Variants in BCAS1 observed in about 807,000 individuals in gnomAD.
BCAS1 encodes the protein brain enriched myelin associated protein 1.
In BCAS1, 46 loss-of-function variants were observed where a neutral mutation model predicts 65.4. The ratio of observed to expected loss-of-function variants is 0.70; its 90% confidence interval spans 0.55 to 0.90. The LOEUF is 0.90. Ranked by LOEUF, BCAS1 falls within the 40% of genes least tolerant of loss-of-function variation. The pLI, the probability that BCAS1 is intolerant of heterozygous loss-of-function variation, is 0.00. For missense variants in BCAS1, 793 were observed against 771.2 expected, an observed-to-expected ratio of 1.03 and a Z score of -0.33; for synonymous variants, 298 against 293.5, an observed-to-expected ratio of 1.02 and a Z score of -0.16.
At chr20:54,068,866 A>G (rs2092478272) in intron 1 of BCAS1, among the ~76,000 whole-genome samples, 1 of 152,100 alleles carries the variant, frequency 6.6e-6, no homozygotes, top group African/African-American at 2.4e-5. Context: ...CAAGGTGCAA[A>G]GGTACCCCCG....
chr20:54,064,395 G>A (rs902520246), intron 1 of BCAS1, among the ~76,000 whole-genome samples: 7 of 152,192 alleles, frequency 4.6e-5, no homozygotes, highest in African/African-American at 1.4e-4. Context: ...CGGAGGAATA[G>A]CTCAGGCTTC....
intron 3 of BCAS1, among the ~76,000 whole-genome samples, chr20:54,033,734 G>A (rs576343396): frequency 2.0e-5 from 3 of 151,342 alleles, no homozygotes; most frequent in African/African-American, 7.2e-5. Flanking sequence ...AAGAAGAGCT[G>A]GTACAGTTCC....
intron 4 of BCAS1, among the ~76,000 whole-genome samples, chr20:53,998,521 A>G (rs1191162710): frequency 6.6e-6 from 1 of 152,166 alleles, no homozygotes; most frequent in Non-Finnish European, 1.5e-5. Context: ...AAACTTGCAA[A>G]TGACCATATC....
At chr20:54,003,483 A>T (rs1256806199) in intron 4 of BCAS1, among the ~76,000 whole-genome samples, 1 of 152,122 alleles carries the variant, frequency 6.6e-6, no homozygotes, top group Non-Finnish European at 1.5e-5. Context: ...CCCTTCTCTG[A>T]ATTTCTATAC....
At position 54,028,707 on chromosome 20, in the gene BCAS1, C is replaced by G. The variant is rs752106667; in HGVS notation, c.408G>C (p.Glu136Asp). 25 of 1,614,084 alleles carry G rather than the reference C, an allele frequency of 1.5e-5. No individual in the cohort carries two copies. In the East Asian group the frequency reaches 2.7e-4, roughly 17 times the overall value. The stretch of plus-strand genomic sequence containing the variant: ...CAGCTGCCACCGGAAGTGTCCAGCT[C>G]TCACTTGGGTCTTTGTTCGCTGGAG... ...NKAPANKDPS[E>D]SWTLPVAAGP... The change falls in exon 4 of 13, where the codon GAG becomes GAC. Residue 136 changes from glutamate (E) to aspartate (D), a missense_variant. Glu to Asp is a conservative substitution (Grantham distance 45, BLOSUM62 2). Coordinates refer to ENST00000688948, the MANE Select transcript of BCAS1 (RefSeq NM_001366298.2).
chr20:54,029,139 C>T, intron 3 of BCAS1, 167 bp from the exon 4 acceptor site: 1 of 985,300 alleles, frequency 1.0e-6, no homozygotes, highest in Non-Finnish European at 1.2e-6. Context: ...CTCCTTGGAC[C>T]CTGCTTTTCT....
chr20:53,980,986 C>T (rs2145742546), intron 8 of BCAS1, among the ~76,000 whole-genome samples: 1 of 152,326 alleles, frequency 6.6e-6, no homozygotes, highest in Non-Finnish European at 1.5e-5. Context: ...CTACGGGATC[C>T]TGTTTGGACA....
intron 4 of BCAS1, among the ~76,000 whole-genome samples, chr20:54,006,680 A>AG (rs1253286329): frequency 6.6e-6 from 1 of 150,898 alleles, no homozygotes; most frequent in Non-Finnish European, 1.5e-5. Flanking sequence ...ACTGCACTCC[A>AG]GCCTGGGCGA....
chr20:53,975,498 A>C, intron 8 of BCAS1, 68 bp from the exon 9 acceptor site: 1 of 1,371,696 alleles, frequency 7.3e-7, no homozygotes, highest in Non-Finnish European at 1.0e-6. Flanking sequence ...ACATAAAAGC[A>C]AAGGGTTAGT....
At chr20:54,043,877 A>G (rs1465838058) in intron 3 of BCAS1, among the ~76,000 whole-genome samples, 1 of 152,108 alleles carries the variant, frequency 6.6e-6, no homozygotes, top group Non-Finnish European at 1.5e-5. Flanking sequence ...CTCTGCTTAC[A>G]TTTTTCAGTT....
chr20:53,992,468 G>A (rs1012217971), intron 7 of BCAS1, 44 bp downstream of exon 7: 2 of 1,359,432 alleles, frequency 1.5e-6, no homozygotes, highest in Non-Finnish European at 2.0e-6. Context: ...GTCTTGTGAA[G>A]ACCAGAGTTC....
intron 4 of BCAS1, among the ~76,000 whole-genome samples, chr20:54,014,371 A>G (rs536138095): frequency 5.4e-4 from 83 of 152,362 alleles, no homozygotes; most frequent in Middle Eastern, 3.4e-3. Context: ...ACAATTTGTC[A>G]TGTTGAAAAA....
At chr20:54,052,574 A>G (rs150786576) in intron 3 of BCAS1, among the ~76,000 whole-genome samples, 1 of 152,230 alleles carries the variant, frequency 6.6e-6, no homozygotes, top group Non-Finnish European at 1.5e-5. Context: ...TTTAGAGGGC[A>G]AAGACCACAT....
intron 4 of BCAS1, among the ~76,000 whole-genome samples, chr20:54,018,447 C>G (rs1438052325): frequency 2.7e-5 from 4 of 150,770 alleles, no homozygotes; most frequent in Non-Finnish European, 3.0e-5. Context: ...TGTCATTCTC[C>G]TGCCTCAGCC....
intron 8 of BCAS1, among the ~76,000 whole-genome samples, chr20:53,978,360 T>C (rs2090390395): frequency 6.6e-6 from 1 of 152,132 alleles, no homozygotes; most frequent in African/African-American, 2.4e-5. Flanking sequence ...CTTAATATTT[T>C]TTTCTTAAAT....
intron 4 of BCAS1, among the ~76,000 whole-genome samples, chr20:54,024,136 G>T (rs1375253344): frequency 6.6e-6 from 1 of 152,186 alleles, no homozygotes; most frequent in Non-Finnish European, 1.5e-5. Flanking sequence ...GGCTCAGGAG[G>T]TGAAGTAGCT....
At chr20:53,984,208 C>T (rs2090555158) in intron 8 of BCAS1, among the ~76,000 whole-genome samples, 1 of 152,128 alleles carries the variant, frequency 6.6e-6, no homozygotes, top group African/African-American at 2.4e-5. Context: ...TCTCTTGTCT[C>T]CAATATACAC....
intron 1 of BCAS1, 67 bp from the exon 2 acceptor site, chr20:54,058,790 A>G: frequency 6.3e-7 from 1 of 1,585,788 alleles, no homozygotes; most frequent in Non-Finnish European, 8.6e-7. Context: ...ATGTGCTACT[A>G]AGGTGCAGAG....
intron 5 of BCAS1, 29 bp downstream of exon 5, chr20:53,995,863 G>GGAGGGGAAAA: frequency 6.4e-7 from 1 of 1,568,176 alleles, no homozygotes; most frequent in Non-Finnish European, 8.7e-7. Flanking sequence ...GCAATAGAGT[G>GGAGGGGAAAA]GAGGGGAAAA....
Sources: allele counts gnomAD v4.1 joint callset (sites outside exome capture counted in the v4.1 genomes callset), GRCh38; gene constraint gnomAD v4.1.1; transcripts MANE v1.5; gene names NCBI Gene and HGNC (gene_info 2026-07-23, HGNC 2026-07-21).